The following ADCK1 variants were observed in gnomAD, a reference collection of about 807,000 sequenced individuals.
The protein encoded by ADCK1 is aarF domain-containing protein kinase 1.
Under a neutral mutation model 52.3 loss-of-function variants are expected in ADCK1, and 41 were observed. The ratio of observed to expected loss-of-function variants is 0.78; its 90% CI spans 0.61 to 1.02. The LOEUF (loss-of-function observed/expected upper bound fraction) is 1.02, where lower values mean the gene tolerates loss of function less well. ADCK1 is among the 50% of genes least tolerant of loss of function. The pLI is 0.00. For synonymous variants in ADCK1, 250 were observed against 274.6 expected, an observed-to-expected ratio of 0.91 and a Z score of 0.89; for missense variants, 658 against 679.5, an observed-to-expected ratio of 0.97 and a Z score of 0.35.
At chr14:77,810,086 T>C (rs571233910) in intron 1 of ADCK1, among the ~76,000 whole-genome samples, 1 of 151,386 alleles carries the variant, frequency 6.6e-6, no homozygotes, top group African/African-American at 2.4e-5. Flanking sequence ...TTACTGGGTA[T>C]GTCAGGCATT....
At chr14:77,818,728 CT>C (rs775088871) in intron 1 of ADCK1, among the ~76,000 whole-genome samples, 55 of 152,284 alleles carry the variant, frequency 3.6e-4, no homozygotes, top group Admixed American at 7.2e-4. Context: ...GAAGGAAGGA[CT>C]TTGAGGACTG....
intron 9 of ADCK1, among the ~76,000 whole-genome samples, chr14:77,926,764 G>A (rs931598855): frequency 1.3e-5 from 2 of 152,162 alleles, no homozygotes; most frequent in Non-Finnish European, 2.9e-5. Flanking sequence ...GTCTCATGGA[G>A]TCTGGGCTGG....
chr14:77,931,531 G>A lies in ADCK1; in HGVS notation c.1220G>A (p.Arg407His), dbSNP rs758294837. 7 of 1,613,018 alleles carry A rather than the reference G, an allele frequency of 4.3e-6. No homozygotes were observed. Among genetic ancestry groups the A allele is most frequent in the Admixed American group, 1.7e-5 (1 of 59,982 alleles). The change falls in exon 10 of 11, where the codon CGC becomes CAC. Residue 407 changes from arginine to histidine, a missense_variant. Arg to His is a conservative substitution (Grantham distance 29). Coordinates refer to ENST00000238561, the MANE Select transcript of ADCK1 (RefSeq NM_020421.4). ...PVTATEDLEI[R>H]NNAANYLPQI... is the part of the protein sequence containing the mutation. ...TTGCTGCTTCAGGACTTAGAGATTC[G>A]CAACAACGCGGCCAACTACCTCCCC...
At chr14:77,820,682 A>G (rs997329971) in intron 2 of ADCK1, among the ~76,000 whole-genome samples, 2 of 150,604 alleles carry the variant, frequency 1.3e-5, no homozygotes, top group Non-Finnish European at 3.0e-5. Context: ...ACACACATAT[A>G]TGGTTGAGTA....
intron 7 of ADCK1, among the ~76,000 whole-genome samples, chr14:77,918,625 C>A (rs957941919): frequency 1.3e-5 from 2 of 152,164 alleles, no homozygotes; most frequent in Non-Finnish European, 2.9e-5. Context: ...GGCTGGCTTC[C>A]CTCTTCTGGG....
At chr14:77,888,592 A>G (rs755518926) in intron 5 of ADCK1, among the ~76,000 whole-genome samples, 2 of 152,082 alleles carry the variant, frequency 1.3e-5, no homozygotes, top group Non-Finnish European at 2.9e-5. Context: ...GACAGAAATA[A>G]TGATGTGAAG....
intron 7 of ADCK1, among the ~76,000 whole-genome samples, chr14:77,916,841 T>A (rs1333160611): frequency 6.6e-6 from 1 of 152,206 alleles, no homozygotes; most frequent in Non-Finnish European, 1.5e-5. Flanking sequence ...CATGGACAAG[T>A]TTGGACTCCA....
intron 9 of ADCK1, among the ~76,000 whole-genome samples, chr14:77,929,864 G>A (rs1302033305): frequency 2.0e-5 from 3 of 151,986 alleles, no homozygotes; most frequent in South Asian, 2.1e-4. Flanking sequence ...ATGGGGTTTC[G>A]CTATGTTGGC....
At chr14:77,922,437 T>C (rs1041221236) in intron 7 of ADCK1, among the ~76,000 whole-genome samples, 10 of 152,160 alleles carry the variant, frequency 6.6e-5, no homozygotes, top group Admixed American at 4.6e-4. Context: ...AAACATACAA[T>C]GAAAGCTAGT....
At chr14:77,842,874 CTTTTCT>C (rs1343848063) in intron 3 of ADCK1, among the ~76,000 whole-genome samples, 9 of 142,746 alleles carry the variant, frequency 6.3e-5, no homozygotes, top group African/African-American at 8.0e-5. Context: ...TTTTTCTTTT[CTTTTCT>C]TTTCTTTCTT....
intron 2 of ADCK1, 147 bp downstream of exon 2, chr14:77,819,260 A>AGCTTTTG: frequency 9.1e-7 from 1 of 1,104,502 alleles, no homozygotes; most frequent in Non-Finnish European, 1.3e-6. Flanking sequence ...GCACAGGTGT[A>AGCTTTTG]CACATATGGA....
At chr14:77,834,223 A>G (rs2081915697) in intron 3 of ADCK1, among the ~76,000 whole-genome samples, 3 of 152,192 alleles carry the variant, frequency 2.0e-5, no homozygotes, top group African/African-American at 7.2e-5. Flanking sequence ...AAGCAAAAAT[A>G]TCTGTGAAAT....
chr14:77,927,222 C>T (rs2084218279), intron 9 of ADCK1, among the ~76,000 whole-genome samples: 2 of 152,338 alleles, frequency 1.3e-5, no homozygotes, highest in Admixed American at 1.3e-4. Context: ...GTCCCCATCT[C>T]TCGGCTCCGC....
intron 5 of ADCK1, among the ~76,000 whole-genome samples, chr14:77,895,734 C>T (rs377693820): frequency 2.0e-5 from 3 of 152,240 alleles, no homozygotes; most frequent in Non-Finnish European, 2.9e-5. Context: ...GGCAGCAGCC[C>T]GAACTACTTG....
At chr14:77,909,287 T>C (rs910642389) in intron 7 of ADCK1, among the ~76,000 whole-genome samples, 54 of 152,090 alleles carry the variant, frequency 3.6e-4, no homozygotes, top group African/African-American at 7.2e-5. Context: ...AGGCATGCGC[T>C]ACCATGCCTG....
chr14:77,876,292 G>A (rs1395135109), intron 4 of ADCK1, among the ~76,000 whole-genome samples: 1 of 152,140 alleles, frequency 6.6e-6, no homozygotes, highest in Admixed American at 6.6e-5. Flanking sequence ...CAGTGGTATA[G>A]CATCTTCCAG....
intron 3 of ADCK1, among the ~76,000 whole-genome samples, chr14:77,842,067 G>A (rs564892026): frequency 2.0e-5 from 3 of 152,118 alleles, no homozygotes; most frequent in Admixed American, 6.6e-5. Flanking sequence ...CCCCAGCCTG[G>A]GCGACTGAGT....
intron 3 of ADCK1, among the ~76,000 whole-genome samples, chr14:77,847,149 C>G (rs1275591219): frequency 1.3e-5 from 2 of 152,068 alleles, no homozygotes; most frequent in African/African-American, 4.8e-5. Flanking sequence ...ATGCAAGGGC[C>G]TGGGGGCAGG....
chr14:77,906,812 A>G (rs2083677618), intron 6 of ADCK1, among the ~76,000 whole-genome samples: 1 of 152,190 alleles, frequency 6.6e-6, no homozygotes, highest in Non-Finnish European at 1.5e-5. Context: ...TCAAGGAAAT[A>G]AAAACCTTCC....
Sources: gnomAD v4.1 joint callset for allele counts (sites outside exome capture counted in the v4.1 genomes callset) on GRCh38, gnomAD v4.1.1 for gene constraint, MANE v1.5 for transcripts, NCBI Gene and HGNC (gene_info 2026-07-23, HGNC 2026-07-21) for gene names.